SLC5A4: variants seen among roughly 807,000 people sequenced by gnomAD.
SLC5A4 encodes the protein probable glucose sensor protein SLC5A4.
Under a neutral mutation model 70.3 loss-of-function variants are expected in SLC5A4, and 55 were observed. The ratio of observed to expected loss-of-function variants is 0.78; its 90% CI spans 0.63 to 0.98. The LOEUF is 0.98. Ranked by LOEUF, SLC5A4 falls within the 50% of genes least tolerant of loss-of-function variation. The probability of loss-of-function intolerance (pLI) is 0.00; values close to 1 mark genes in which losing one functional copy is unlikely to be tolerated. For synonymous variants in SLC5A4, 268 were observed against 305.7 expected (o/e 0.88, Z 1.29); for missense variants, 735 against 839.2 (o/e 0.88, Z 1.53).
intron 7 of SLC5A4, among the ~76,000 whole-genome samples, chr22:32,236,458 A>T (rs9680683): frequency 6.6e-6 from 1 of 152,334 alleles, no homozygotes; most frequent in Middle Eastern, 3.4e-3. Context: ...ATGAAAATCC[A>T]CTACAATACA....
At chr22:32,275,601 T>C in the SLC5A4 span, among the ~76,000 whole-genome samples, 56 of 152,382 alleles carry the variant, frequency 3.7e-4, no homozygotes, top group African/African-American at 1.3e-3. Flanking sequence ...CCACATTTTC[T>C]TAATCCAGTC....
chr22:32,288,042 G>T, the SLC5A4 span, among the ~76,000 whole-genome samples: 4 of 147,562 alleles, frequency 2.7e-5, no homozygotes, highest in Admixed American at 1.4e-4. Context: ...TAGAGATGAG[G>T]TTTCACCATA....
the SLC5A4 span, among the ~76,000 whole-genome samples, chr22:32,333,985 AACACAGACACACT>A: frequency 3.4e-5 from 5 of 145,134 alleles, no homozygotes; most frequent in Admixed American, 2.8e-4. Context: ...CACACCATGC[AACACAGACACACT>A]ACACACACTA....
At chr22:32,239,557 TATATATATATA>T (rs1926331884) in intron 5 of SLC5A4, among the ~76,000 whole-genome samples, 3 of 22,856 alleles carry the variant, frequency 1.3e-4, no homozygotes, top group Non-Finnish European at 2.5e-4. Flanking sequence ...TATATATATA[TATATATATATA>T]TTTATATATA....
chr22:32,226,820 A>C (rs955415613), intron 11 of SLC5A4, among the ~76,000 whole-genome samples: 4 of 151,936 alleles, frequency 2.6e-5, no homozygotes, highest in African/African-American at 9.7e-5. Flanking sequence ...CACCTTTCTG[A>C]CCTTGCTCTT....
chr22:32,354,733 CCA>C, the SLC5A4 span, among the ~76,000 whole-genome samples: 1 of 152,144 alleles, frequency 6.6e-6, no homozygotes, highest in African/African-American at 2.4e-5. Context: ...CCACATCCAA[CCA>C]GCCTCCTAAC....
chr22:32,291,405 C>G, the SLC5A4 span, among the ~76,000 whole-genome samples: 1 of 152,020 alleles, frequency 6.6e-6, no homozygotes, highest in African/African-American at 2.4e-5. Context: ...TCTTGAACTC[C>G]TGACCTCGTG....
chr22:32,270,987 A>G, the SLC5A4 span: 1 of 523,488 alleles, frequency 1.9e-6, no homozygotes, highest in Non-Finnish European at 3.5e-6. Flanking sequence ...AGTGGCTTGG[A>G]GGCCGAGAGC....
chr22:32,237,376 A>AT, intron 6 of SLC5A4, 52 bp from the exon 7 acceptor site: 1 of 1,253,970 alleles, frequency 8.0e-7, no homozygotes, highest in East Asian at 2.6e-5. Flanking sequence ...GTCCTCATGT[A>AT]TTTACCTTCA....
At chr22:32,300,734 G>GT in the SLC5A4 span, among the ~76,000 whole-genome samples, 2 of 152,134 alleles carry the variant, frequency 1.3e-5, no homozygotes, top group Non-Finnish European at 2.9e-5. Flanking sequence ...TGTATCAATA[G>GT]TTACTTTTTA....
chr22:32,260,876 C>T, the SLC5A4 span, among the ~76,000 whole-genome samples: 2 of 152,280 alleles, frequency 1.3e-5, no homozygotes, highest in South Asian at 4.1e-4. Flanking sequence ...AGTTTGACAC[C>T]AGCCTGGCCA....
intron 4 of SLC5A4, among the ~76,000 whole-genome samples, chr22:32,247,860 C>G (rs963643610): frequency 1.4e-4 from 21 of 152,236 alleles, no homozygotes; most frequent in Admixed American, 1.1e-3. Flanking sequence ...TCATCATTCT[C>G]CTTGTCATCC....
chr22:32,266,793 T>C, the SLC5A4 span, among the ~76,000 whole-genome samples: 6 of 152,394 alleles, frequency 3.9e-5, no homozygotes, highest in African/African-American at 1.4e-4. Context: ...TGTACTGTGT[T>C]CTTACAGTAA....
chr22:32,330,595 TG>T, the SLC5A4 span, among the ~76,000 whole-genome samples: 5 of 119,740 alleles, frequency 4.2e-5, no homozygotes, highest in East Asian at 3.0e-4. Flanking sequence ...TGTGTGTGTG[TG>T]TGTAGGAAAC....
chr22:32,224,207 A>C (rs972137468), intron 13 of SLC5A4, 60 bp downstream of exon 13: 1 of 1,349,658 alleles, frequency 7.4e-7, no homozygotes, highest in African/African-American at 1.5e-5. Flanking sequence ...GGCGTGAGCC[A>C]CTGCGCCCGG....
the SLC5A4 span, among the ~76,000 whole-genome samples, chr22:32,317,262 C>T: frequency 0.026 from 3,904 of 151,998 alleles, 141 homozygotes; most frequent in African/African-American, 0.089. Flanking sequence ...GCAGACGAGC[C>T]AATGCTAAGA....
chr22:32,344,140 G>A, the SLC5A4 span, among the ~76,000 whole-genome samples: 6 of 152,164 alleles, frequency 3.9e-5, no homozygotes, highest in African/African-American at 1.4e-4. Context: ...TCAATAGGAA[G>A]AAAAGACATC....
At chr22:32,225,400 C>T (rs543457249) in intron 12 of SLC5A4, among the ~76,000 whole-genome samples, 45 of 152,250 alleles carry the variant, frequency 3.0e-4, no homozygotes, top group Non-Finnish European at 5.1e-4. Context: ...CAGTCTGCCT[C>T]CCAAACATGT....
chr22:32,272,372 T>C, the SLC5A4 span: 8 of 886,104 alleles, frequency 9.0e-6, no homozygotes, highest in Non-Finnish European at 1.5e-5. Flanking sequence ...AAGATTTTCC[T>C]GTGAAGCCTG....
Sources: allele counts gnomAD v4.1 joint callset (sites outside exome capture counted in the v4.1 genomes callset), GRCh38; gene constraint gnomAD v4.1.1; transcripts MANE v1.5; gene names NCBI Gene and HGNC (gene_info 2026-07-23, HGNC 2026-07-21).